DYNC1I1: variants seen among roughly 807,000 people sequenced by gnomAD.
The protein encoded by DYNC1I1 is dynein cytoplasmic 1 intermediate chain 1, also known as cytoplasmic dynein 1 intermediate chain 1.
DYNC1I1 carries 43 observed loss-of-function variants against 86.6 expected under a neutral mutation model. That is an observed-to-expected ratio of 0.50 (90% CI 0.39 to 0.64). The LOEUF (loss-of-function observed/expected upper bound fraction) is 0.64, where lower values mean the gene tolerates loss of function less well. Ranked by LOEUF, DYNC1I1 falls within the 30% of genes least tolerant of loss-of-function variation. DYNC1I1 has a pLI of 0.00. For synonymous variants in DYNC1I1, 262 were observed against 283.7 expected (o/e 0.92, Z 0.77); for missense variants, 604 against 788.8 (o/e 0.77, Z 2.81).
chr7:95,960,491 A>T (rs144660824), intron 6 of DYNC1I1, among the ~76,000 whole-genome samples: 71 of 152,306 alleles, frequency 4.7e-4, no homozygotes, highest in African/African-American at 1.7e-3. Flanking sequence ...ATGACCTACC[A>T]GTGTAGGAAG....
At chr7:96,076,579 G>A (rs1020136249) in intron 15 of DYNC1I1, among the ~76,000 whole-genome samples, 8 of 152,096 alleles carry the variant, frequency 5.3e-5, no homozygotes, top group African/African-American at 1.9e-4. Flanking sequence ...TTTAGATTGG[G>A]CTTTTAAAAA....
chr7:96,084,495 A>G (rs1790621057), intron 16 of DYNC1I1, among the ~76,000 whole-genome samples: 1 of 139,422 alleles, frequency 7.2e-6, no homozygotes, highest in Non-Finnish European at 1.5e-5. Context: ...GCTGGAGTGC[A>G]ATGGCACACT....
chr7:96,056,357 C>T (rs1789577171), intron 14 of DYNC1I1, among the ~76,000 whole-genome samples: 1 of 152,108 alleles, frequency 6.6e-6, no homozygotes, highest in African/African-American at 2.4e-5. Context: ...TTAGCTTGAT[C>T]TGTAATAAAT....
chr7:95,907,888 T>C (rs1562940296), intron 6 of DYNC1I1, among the ~76,000 whole-genome samples: 1 of 152,188 alleles, frequency 6.6e-6, no homozygotes, highest in Non-Finnish European at 1.5e-5. Flanking sequence ...AATTGAGTTC[T>C]ATTTTTTGAA....
intron 14 of DYNC1I1, among the ~76,000 whole-genome samples, chr7:96,075,435 A>G (rs1790302126): frequency 6.6e-6 from 1 of 152,218 alleles, no homozygotes; most frequent in African/African-American, 2.4e-5. Context: ...AGCTGACCCT[A>G]TGCAGAGAGA....
chr7:95,818,653 CT>C (rs1473952199), intron 4 of DYNC1I1: 1 of 491,572 alleles, frequency 2.0e-6, no homozygotes, highest in Admixed American at 3.3e-5. Context: ...GCCTAAAAAT[CT>C]CTTACTATTA....
At chr7:95,965,668 G>A (rs1466695117) in intron 6 of DYNC1I1, among the ~76,000 whole-genome samples, 1 of 152,068 alleles carries the variant, frequency 6.6e-6, no homozygotes, top group Non-Finnish European at 1.5e-5. Context: ...GGCAACTCAT[G>A]TATTTAACCC....
rs146770002 is a variant in DYNC1I1, at chr7:95,895,596, G to C, written c.490+25598G>C. Among the ~76,000 whole-genome samples, 1,249 of 152,240 alleles carry C rather than the reference G, an allele frequency of 8.2e-3. 16 individuals carry two copies. The highest frequency in any genetic ancestry group is 0.028 in the African/African-American group (1,156 of 41,530). ...GCCGAATGCGTTGTTGATGTTGTGA[G>C]TTGTCTCCACTGCTTTACGACCCAT... On this transcript the variant is annotated intron_variant, in intron 6 of 16. Transcript: ENST00000447467.
chr7:95,925,013 A>C (rs1470532583), intron 6 of DYNC1I1, among the ~76,000 whole-genome samples: 1 of 152,178 alleles, frequency 6.6e-6, no homozygotes, highest in Non-Finnish European at 1.5e-5. Context: ...GAAAACCTCA[A>C]ACCTAATCCT....
rs578000394 is a variant in DYNC1I1, at chr7:95,942,950, T to C, written c.491-34562T>C. Among the ~76,000 whole-genome samples the C allele has an allele frequency of 3.6e-3, 523 of 145,140 alleles. 10 individuals are homozygous for C. The highest frequency in any genetic ancestry group is 0.013 in the African/African-American group (496 of 38,862). Reference sequence around the variant, plus strand: ...GGGCAAAAACTGGAAGCATTCTCTTTGAAAACTGGCACAAGACAGGGAGGC... The same window carrying C: ...GGGCAAAAACTGGAAGCATTCTCTTCGAAAACTGGCACAAGACAGGGAGGC... On this transcript the variant is annotated intron_variant, in intron 6 of 16. Coordinates refer to ENST00000447467, the MANE Select transcript of DYNC1I1 (RefSeq NM_001135556.2).
chr7:95,899,124 C>A (rs1193707674), intron 6 of DYNC1I1, among the ~76,000 whole-genome samples: 11 of 152,066 alleles, frequency 7.2e-5, no homozygotes. Context: ...TGAGACTTTG[C>A]TTACCCCCAC....
chr7:95,883,007 A>G (rs1361897853), intron 6 of DYNC1I1, among the ~76,000 whole-genome samples: 2 of 152,096 alleles, frequency 1.3e-5, no homozygotes, highest in African/African-American at 4.8e-5. Flanking sequence ...CTTTTGGAAA[A>G]TTGAGTGATT....
chr7:95,800,505 G>A (rs982846256), intron 1 of DYNC1I1, among the ~76,000 whole-genome samples: 7 of 152,100 alleles, frequency 4.6e-5, no homozygotes, highest in African/African-American at 1.7e-4. Flanking sequence ...AAAGAGTTCT[G>A]AATATGGGAC....
intron 5 of DYNC1I1, among the ~76,000 whole-genome samples, chr7:95,839,952 G>C (rs546496440): frequency 5.3e-5 from 8 of 152,004 alleles, no homozygotes; most frequent in African/African-American, 1.9e-4. Context: ...AGTCTTATGA[G>C]GGTTCTCAGG....
At position 95,812,466 on chromosome 7, in the gene DYNC1I1, C is replaced by T. The variant is rs372808400; in HGVS notation, c.224-781C>T. On this transcript the variant is annotated intron_variant, in intron 3 of 16. Transcript: ENST00000447467. ...CTGCTCTCAGATTTTCAGCTTGTGC[C>T]GACCTTGATCTTTGAACTTGTCTCC... Among the ~76,000 whole-genome samples the T allele has an allele frequency of 6.6e-5, 10 of 152,184 alleles. No individual in the cohort carries two copies. In the South Asian group the frequency reaches 1.5e-3, roughly 22 times the overall value.
At chr7:95,807,815 G>A (rs951542845) in intron 2 of DYNC1I1, among the ~76,000 whole-genome samples, 4 of 152,004 alleles carry the variant, frequency 2.6e-5, no homozygotes, top group Non-Finnish European at 4.4e-5. Flanking sequence ...TTATCAAACC[G>A]TTTAGTACAA....
chr7:95,931,805 G>A (rs1041381597), intron 6 of DYNC1I1, among the ~76,000 whole-genome samples: 1 of 152,106 alleles, frequency 6.6e-6, no homozygotes, highest in African/African-American at 2.4e-5. Context: ...GTTGATCTCT[G>A]TTCTAGATCA....
rs190529080 is a variant in DYNC1I1 at position 95,982,536 on chromosome 7, A to G, written c.581-2279A>G. 8.4e-4 allele frequency among the ~76,000 whole-genome samples: 128 copies of G among 152,282 alleles called. 1 individual carries two copies. The highest frequency in any genetic ancestry group is 4.7e-4 in the Non-Finnish European group (32 of 68,000). On this transcript the variant is annotated intron_variant, in intron 7 of 16. Coordinates refer to ENST00000447467, the MANE Select transcript of DYNC1I1 (RefSeq NM_001135556.2). Reference sequence around the variant, plus strand: ...GAAAATTACATAGATACCATTTTTTATTCAAGGTAATGGACCTGTAAGGAA... The same window carrying G: ...GAAAATTACATAGATACCATTTTTTGTTCAAGGTAATGGACCTGTAAGGAA...
At chr7:96,053,948 G>A (rs1461255170) in intron 14 of DYNC1I1, among the ~76,000 whole-genome samples, 1 of 152,110 alleles carries the variant, frequency 6.6e-6, no homozygotes, top group East Asian at 1.9e-4. Context: ...TAAGAATTTT[G>A]TAGTGGAAAA....
Sources: gnomAD v4.1 joint callset for allele counts (sites outside exome capture counted in the v4.1 genomes callset) on GRCh38, gnomAD v4.1.1 for gene constraint, MANE v1.5 for transcripts, NCBI Gene and HGNC (gene_info 2026-07-23, HGNC 2026-07-21) for gene names.